Variants in PSMD4 observed in about 807,000 individuals in gnomAD.
PSMD4 encodes the protein proteasome 26S subunit ubiquitin receptor, non-ATPase 4.
In PSMD4, 5 loss-of-function variants were observed where a neutral mutation model predicts 39.7. The ratio of observed to expected loss-of-function variants is 0.13; its 90% CI spans 0.07 to 0.26. The LOEUF is 0.26. PSMD4 is among the 10% of genes least tolerant of loss of function. The probability of loss-of-function intolerance (pLI) is 1.00; values close to 1 mark genes in which losing one functional copy is unlikely to be tolerated. For missense variants in PSMD4, 272 were observed against 486.1 expected (o/e 0.56, Z 4.14); for synonymous variants, 143 against 174.6 (o/e 0.82, Z 1.43).
At chr1:151,265,746 G>A (rs2275900) in intron 6 of PSMD4, 137 bp downstream of exon 6, 666,083 of 995,776 alleles carry the variant, frequency 0.67, 225,316 homozygotes, top group Non-Finnish European at 0.7. Context: ...TCCTTTTGCC[G>A]CCTCTTCCCT....
intron 2 of PSMD4, among the ~76,000 whole-genome samples, chr1:151,263,124 T>TA (rs1053701850): frequency 1.3e-5 from 2 of 152,154 alleles, no homozygotes; most frequent in Non-Finnish European, 2.9e-5. Context: ...GCCAGCCACT[T>TA]AATTATTTCT....
intron 3 of PSMD4, 69 bp downstream of exon 3, chr1:151,264,097 C>A: frequency 8.2e-7 from 1 of 1,223,648 alleles, no homozygotes; most frequent in Non-Finnish European, 1.2e-6. Context: ...ATACTCATTT[C>A]TCCCCTGGAA....
Position 151,254,824 on chromosome 1 carries a change from G to A in PSMD4, c.26+16G>A, listed in dbSNP as rs376238149. On this transcript the variant is annotated intron_variant, in intron 1 of 9. Transcript: ENST00000368884. Reference sequence around the variant, plus strand: ...CTATGGTGTGGTGAGGAGCTACTTCGGGGCAGGAGGGGCAGAGCTGGGTTC... The same window carrying A: ...CTATGGTGTGGTGAGGAGCTACTTCAGGGCAGGAGGGGCAGAGCTGGGTTC... 2 of 1,505,940 alleles carry A rather than the reference G, an allele frequency of 1.3e-6. No individual in the cohort carries two copies. The highest frequency in any genetic ancestry group is 2.7e-5 in the East Asian group (1 of 36,820). 93.3% of individuals were successfully genotyped at this position (1,505,940 alleles called of 1,614,324 possible). A position where few individuals can be genotyped will look rare whatever the true frequency, so the allele number is the denominator to read the frequency against.
intron 9 of PSMD4, 56 bp downstream of exon 9, chr1:151,266,643 C>A: frequency 6.4e-7 from 1 of 1,574,674 alleles, no homozygotes; most frequent in African/African-American, 1.4e-5. Flanking sequence ...AGATCCTCAT[C>A]CCTCTGGGGC....
Position 151,265,155 on chromosome 1 carries a change from C to T in PSMD4, c.370-11C>T. Reference sequence around the variant, plus strand: ...GAACAGATTTCTTGATTTTTCTCCCCTTCTTCCCAGCTGGTGAAACTGGCT... The same window carrying T: ...GAACAGATTTCTTGATTTTTCTCCCTTTCTTCCCAGCTGGTGAAACTGGCT... On this transcript the variant is annotated splice_polypyrimidine_tract_variant and intron_variant, in intron 4 of 9. Coordinates refer to ENST00000368884, the MANE Select transcript of PSMD4 (RefSeq NM_002810.4). 6.2e-7 allele frequency: 1 copy of T among 1,605,042 alleles called. No individual in the cohort carries two copies. The highest frequency in any genetic ancestry group is 8.5e-7 in the Non-Finnish European group (1 of 1,176,344).
rs781402832 is a variant in PSMD4 at position 151,256,748 on chromosome 1, CT to C, written c.26+1953del. On this transcript the variant is annotated intron_variant, in intron 1 of 9. Transcript: ENST00000368884. ...CCACTGTGCCCGGCTCCTTTGCCCA[CT>C]TTTTTTTTTTTTCGCTCTTATTGCC... Among the ~76,000 whole-genome samples, 879 of 130,458 alleles carry C rather than the reference CT, an allele frequency of 6.7e-3. 6 individuals are homozygous for C. Among genetic ancestry groups the C allele is most frequent in the African/African-American group, 0.019 (660 of 35,224 alleles). The allele number at this position is 130,458 out of a possible 152,430, so 85.6% of individuals were successfully genotyped here. A position where few individuals can be genotyped will look rare whatever the true frequency, so the allele number is the denominator to read the frequency against.
chr1:151,266,078 T>C lies in PSMD4; in HGVS notation c.729T>C (p.Ala243=), dbSNP rs373625649. The stretch of plus-strand genomic sequence containing the variant: ...CCCGGCGGGCAGCTGCAGCTTCTGC[T>C]GCTGAGGCCGGGATTGCTACGACTG... ...EEARRAAAAS[A]AEAGIATTGT... Residue 243 remains alanine, a synonymous_variant, in exon 7 of 10, where the codon GCT becomes GCC. Transcript: ENST00000368884. 3.1e-6 allele frequency: 5 copies of C among 1,607,958 alleles called. No individual in the cohort carries two copies. The African/African-American group carries it at 6.7e-5, about 22-fold the overall frequency.
rs924738187 is a variant in PSMD4, at chr1:151,264,622, AAGAG to A, written c.283-206_283-203del. On this transcript the variant is annotated intron_variant, in intron 3 of 9. Coordinates refer to ENST00000368884, the MANE Select transcript of PSMD4 (RefSeq NM_002810.4). ...CGAGACTCCATCTCAAAAAAAAAAA[AAGAG>A]AGAAAGAGAATTAACCTCCCTTCTT... Among the ~76,000 whole-genome samples, 11 of 152,008 alleles carry A rather than the reference AAGAG, an allele frequency of 7.2e-5. No homozygotes were observed. The South Asian group carries it at 1.0e-3, about 14-fold the overall frequency.
In PSMD4 at chr1:151,258,452, T is replaced by G. The variant is rs1031535974; in HGVS notation, c.26+3644T>G. ...GCCATTGTATTACCCTTTTCGAGTGTTTTTTTTTTTTTTTTTTTTTTTGGG... is the reference window on the plus strand; with the variant it reads ...GCCATTGTATTACCCTTTTCGAGTGGTTTTTTTTTTTTTTTTTTTTTTGGG... On this transcript the variant is annotated intron_variant, in intron 1 of 9. Transcript: ENST00000368884. Among the ~76,000 whole-genome samples the G allele has an allele frequency of 1.5e-4, 13 of 84,808 alleles. No homozygotes were observed. The South Asian group carries it at 5.0e-3, about 33-fold the overall frequency. The allele number at this position is 84,808 out of a possible 152,430, so 55.6% of individuals were successfully genotyped here. A position where few individuals can be genotyped will look rare whatever the true frequency, so the allele number is the denominator to read the frequency against.
intron 1 of PSMD4, among the ~76,000 whole-genome samples, chr1:151,257,703 A>G (rs1693207602): frequency 1.4e-5 from 2 of 142,810 alleles, no homozygotes; most frequent in Admixed American, 1.4e-4. Flanking sequence ...ACCCGCCACC[A>G]TACCTGGCTT....
At chr1:151,257,722 T>C (rs1052855587) in intron 1 of PSMD4, among the ~76,000 whole-genome samples, 2 of 143,982 alleles carry the variant, frequency 1.4e-5, no homozygotes, top group African/African-American at 5.1e-5. Context: ...TTTCTTTTTT[T>C]TTTTTTTTTT....
chr1:151,254,952 C>T (rs1693129710), intron 1 of PSMD4, 144 bp downstream of exon 1: 1 of 1,042,022 alleles, frequency 9.6e-7, no homozygotes, highest in East Asian at 3.2e-5. Flanking sequence ...CGCTGGACTC[C>T]CTGAGTCATC....
chr1:151,266,136 CCTGGGA>C, intron 7 of PSMD4, 24 bp downstream of exon 7: 1 of 1,597,088 alleles, frequency 6.3e-7, no homozygotes, highest in Non-Finnish European at 8.5e-7. Flanking sequence ...AATCCGAAGT[CCTGGGA>C]CTGCGGGATG....
chr1:151,260,847 G>T (rs1050800695), intron 1 of PSMD4, among the ~76,000 whole-genome samples: 3 of 148,390 alleles, frequency 2.0e-5, no homozygotes, highest in African/African-American at 7.5e-5. Context: ...CTATTTTATA[G>T]ATTTTTTTTT....
Position 151,266,640 on chromosome 1 carries a change from C to T in PSMD4, c.963+53C>T. 5.0e-6 allele frequency: 8 copies of T among 1,584,798 alleles called. No individual in the cohort carries two copies. The South Asian group carries it at 9.0e-5, about 18-fold the overall frequency. The stretch of plus-strand genomic sequence containing the variant: ...TTTAAAGTCCTTGAATTTAGATCCT[C>T]ATCCCTCTGGGGCTGGGAGTATTTC... On this transcript the variant is annotated intron_variant, in intron 9 of 9. Coordinates refer to ENST00000368884, the MANE Select transcript of PSMD4 (RefSeq NM_002810.4).
chr1:151,264,621 A>G (rs1330260144), intron 3 of PSMD4, among the ~76,000 whole-genome samples: 3 of 152,088 alleles, frequency 2.0e-5, no homozygotes, highest in Non-Finnish European at 4.4e-5. Context: ...AAAAAAAAAA[A>G]AAGAGAGAAA....
chr1:151,260,592 G>A (rs587733821), intron 1 of PSMD4, among the ~76,000 whole-genome samples: 134 of 152,110 alleles, frequency 8.8e-4, no homozygotes, highest in African/African-American at 3.1e-3. Context: ...TTTTGAGGCA[G>A]TGGCACGATC....
intron 1 of PSMD4, among the ~76,000 whole-genome samples, chr1:151,255,860 C>T (rs976971687): frequency 6.6e-6 from 1 of 151,884 alleles, no homozygotes; most frequent in Non-Finnish European, 1.5e-5. Context: ...TACACTTGCA[C>T]CAACGATAGA....
intron 6 of PSMD4, 118 bp from the exon 7 acceptor site, chr1:151,265,883 TCTC>T (rs1693438298): frequency 7.5e-7 from 1 of 1,329,872 alleles, no homozygotes. Context: ...TCCAGCTTCT[TCTC>T]TGTGTGATAA....
Sources: allele counts gnomAD v4.1 joint callset (sites outside exome capture counted in the v4.1 genomes callset), GRCh38; gene constraint gnomAD v4.1.1; transcripts MANE v1.5; gene names NCBI Gene and HGNC (gene_info 2026-07-23, HGNC 2026-07-21).